Variants in CTNND2 observed in about 807,000 individuals in gnomAD.
The protein encoded by CTNND2 is catenin delta 2.
A neutral mutation model predicts 144.4 loss-of-function variants in CTNND2; 22 were observed. The observed-to-expected ratio is 0.15, with a 90% CI of 0.11 to 0.22. The LOEUF (loss-of-function observed/expected upper bound fraction) is 0.22, where lower values mean the gene tolerates loss of function less well. Among genes scored for constraint, CTNND2 ranks in the 10% least tolerant of loss-of-function variants. The pLI is 1.00. For synonymous variants in CTNND2, 751 were observed against 695.6 expected, an observed-to-expected ratio of 1.08 and a Z score of -1.25; for missense variants, 1,353 against 1,618.8, an observed-to-expected ratio of 0.84 and a Z score of 2.82.
At chr5:11,764,026 G>A (rs1789435194) in intron 1 of CTNND2, among the ~76,000 whole-genome samples, 1 of 152,146 alleles carries the variant, frequency 6.6e-6, no homozygotes, top group Non-Finnish European at 1.5e-5. Context: ...AGCTGGCTGT[G>A]AGATGTGGAG....
chr5:11,648,667 T>C (rs61327195), intron 2 of CTNND2, among the ~76,000 whole-genome samples: 1,804 of 152,340 alleles, frequency 0.012, 29 homozygotes, highest in African/African-American at 0.042. Context: ...TATTCTCTCA[T>C]GATCTATAAT....
At chr5:11,060,229 C>T (rs184665273) in intron 16 of CTNND2, among the ~76,000 whole-genome samples, 82 of 152,282 alleles carry the variant, frequency 5.4e-4, no homozygotes, top group African/African-American at 1.9e-3. Flanking sequence ...AGCAAAGAAG[C>T]ATTTCCATTC....
At chr5:11,626,169 C>G (rs1781142120) in intron 2 of CTNND2, among the ~76,000 whole-genome samples, 1 of 152,088 alleles carries the variant, frequency 6.6e-6, no homozygotes. Context: ...CCATTGTAAC[C>G]TCAGCAAAAG....
At chr5:11,319,215 T>C (rs1417904496) in intron 9 of CTNND2, among the ~76,000 whole-genome samples, 1 of 152,128 alleles carries the variant, frequency 6.6e-6, no homozygotes, top group African/African-American at 2.4e-5. Flanking sequence ...TGCATGTCTC[T>C]TTCTTCTGAC....
chr5:11,902,390 T>C (rs1253352221), intron 1 of CTNND2, among the ~76,000 whole-genome samples: 2 of 152,206 alleles, frequency 1.3e-5, no homozygotes, highest in African/African-American at 4.8e-5. Context: ...TAACTTGATA[T>C]GAGTCACAGC....
At chr5:11,408,829 A>C (rs954743133) in intron 5 of CTNND2, among the ~76,000 whole-genome samples, 4 of 152,108 alleles carry the variant, frequency 2.6e-5, no homozygotes, top group Non-Finnish European at 2.9e-5. Flanking sequence ...TTCTCAACTA[A>C]GAAAGCTCAG....
At chr5:11,398,586 G>GA (rs367721323) in intron 5 of CTNND2, among the ~76,000 whole-genome samples, 116 of 145,300 alleles carry the variant, frequency 8.0e-4, no homozygotes, top group South Asian at 1.3e-3. Flanking sequence ...GCGGTTTCTG[G>GA]AAAAAAAAAA....
chr5:11,887,468 T>A lies in CTNND2; in HGVS notation c.37+16349A>T, dbSNP rs187002137. ...ACCCCACTAAAATCAAACAAAAACA[T>A]CGTTCCCTTTACAGAGATCTTTAAA... On this transcript the variant is annotated intron_variant, in intron 1 of 21. Transcript: ENST00000304623. Among the ~76,000 whole-genome samples, 4 of 151,866 alleles carry A rather than the reference T, an allele frequency of 2.6e-5. No homozygotes were observed. In the East Asian group the frequency reaches 7.7e-4, roughly 29 times the overall value.
rs1752369916 is a variant in CTNND2, at chr5:11,105,846, C to A, written c.2463+5012G>T. Among the ~76,000 whole-genome samples the A allele has an allele frequency of 2.6e-5, 4 of 152,228 alleles. No homozygotes were observed. The South Asian group carries it at 8.3e-4, about 32-fold the overall frequency. On this transcript the variant is annotated intron_variant, in intron 14 of 21. Transcript: ENST00000304623. ...ATCATGCCTTGAGTCAACAAGCTCC[C>A]AGCATATGGTGAGGTGAAGGCCGAG...
At chr5:11,356,371 A>AT (rs111338536) in intron 8 of CTNND2, among the ~76,000 whole-genome samples, 1,671 of 152,252 alleles carry the variant, frequency 0.011, 31 homozygotes, top group African/African-American at 0.038. Flanking sequence ...ATGGAAGAGA[A>AT]TAGAGAGTCC....
At chr5:10,981,065 TAATAAA>T (rs1389154490) in intron 21 of CTNND2, among the ~76,000 whole-genome samples, 6 of 151,978 alleles carry the variant, frequency 3.9e-5, no homozygotes, top group Non-Finnish European at 7.4e-5. Context: ...ATAATAATAA[TAATAAA>T]AAGAATCTAC....
At chr5:11,723,679 T>C (rs1786824471) in intron 2 of CTNND2, among the ~76,000 whole-genome samples, 1 of 152,146 alleles carries the variant, frequency 6.6e-6, no homozygotes, top group Non-Finnish European at 1.5e-5. Context: ...CTGGCACTGC[T>C]CCAAGAGCTG....
At chr5:11,261,022 C>T (rs1580735110) in intron 9 of CTNND2, among the ~76,000 whole-genome samples, 2 of 151,992 alleles carry the variant, frequency 1.3e-5, no homozygotes, top group East Asian at 3.9e-4. Flanking sequence ...GGGTCTGGCT[C>T]GGTGCATGCA....
chr5:11,615,825 A>G (rs1037540397), intron 2 of CTNND2, among the ~76,000 whole-genome samples: 10 of 152,184 alleles, frequency 6.6e-5, no homozygotes, highest in African/African-American at 2.4e-4. Flanking sequence ...AGAAGTCCCA[A>G]GATCATCAAG....
chr5:11,810,053 A>C (rs1207575203), intron 1 of CTNND2, among the ~76,000 whole-genome samples: 1 of 152,180 alleles, frequency 6.6e-6, no homozygotes, highest in Non-Finnish European at 1.5e-5. Flanking sequence ...TCCCCGGACA[A>C]ATCTGACATC....
intron 13 of CTNND2, among the ~76,000 whole-genome samples, chr5:11,113,054 T>C (rs540850736): frequency 1.2e-4 from 18 of 152,132 alleles, no homozygotes; most frequent in Non-Finnish European, 2.2e-4. Context: ...GGCAGGAGAA[T>C]GGTGTGAACC....
At chr5:11,432,121 CTT>C (rs5865940) in intron 3 of CTNND2, among the ~76,000 whole-genome samples, 3,128 of 78,216 alleles carry the variant, frequency 0.04, 107 homozygotes, top group African/African-American at 0.11. Context: ...GAGGTTGAGG[CTT>C]TTTTTTTTTT....
intron 2 of CTNND2, among the ~76,000 whole-genome samples, chr5:11,626,233 A>T (rs1353127910): frequency 6.6e-6 from 1 of 152,118 alleles, no homozygotes; most frequent in Non-Finnish European, 1.5e-5. Context: ...CAACTTGTCT[A>T]CCTTCCCCTT....
At chr5:11,065,759 T>C (rs1417811746) in intron 16 of CTNND2, among the ~76,000 whole-genome samples, 1 of 152,240 alleles carries the variant, frequency 6.6e-6, no homozygotes, top group Non-Finnish European at 1.5e-5. Flanking sequence ...CATAACATTA[T>C]GTGACAAAGA....
Sources: gnomAD v4.1 joint callset for allele counts (sites outside exome capture counted in the v4.1 genomes callset) on GRCh38, gnomAD v4.1.1 for gene constraint, MANE v1.5 for transcripts, NCBI Gene and HGNC (gene_info 2026-07-23, HGNC 2026-07-21) for gene names.